LPAR1: variants seen among roughly 807,000 people sequenced by gnomAD.
The protein encoded by LPAR1 is LPA receptor 1.
In LPAR1, 5 loss-of-function variants were observed where a neutral mutation model predicts 23.8. The ratio of observed to expected loss-of-function variants is 0.21; its 90% CI spans 0.11 to 0.44. The LOEUF (loss-of-function observed/expected upper bound fraction) is 0.44, where lower values mean the gene tolerates loss of function less well. LPAR1 is among the 20% of genes least tolerant of loss of function. The pLI is 0.99. For missense variants in LPAR1, 311 were observed against 482.8 expected (o/e 0.64, Z 3.33); for synonymous variants, 160 against 164.7 (o/e 0.97, Z 0.22).
chr9:110,938,947 C>A (rs536866357), intron 5 of LPAR1, among the ~76,000 whole-genome samples: 6 of 152,150 alleles, frequency 3.9e-5, no homozygotes, highest in African/African-American at 1.4e-4. Flanking sequence ...TGCTACCCTG[C>A]CTATGAGATA....
rs147923710 is a variant in LPAR1 at position 110,945,739 on chromosome 9, G to A, written c.46-3571C>T. Reference sequence around the variant, plus strand: ...TTCCAGGAGCTCTAGGGGAGAATCCGTTTCCTTGTCTTTTCCAACTTCTAG... The same window carrying A: ...TTCCAGGAGCTCTAGGGGAGAATCCATTTCCTTGTCTTTTCCAACTTCTAG... On this transcript the variant is annotated intron_variant, in intron 4 of 5. Transcript: ENST00000683809. Among the ~76,000 whole-genome samples the A allele has an allele frequency of 4.9e-3, 752 of 152,232 alleles. 8 individuals are homozygous for A. Among genetic ancestry groups the A allele is most frequent in the Middle Eastern group, 0.014 (4 of 294 alleles).
intron 5 of LPAR1, among the ~76,000 whole-genome samples, chr9:110,907,340 C>T (rs2134161500): frequency 1.3e-5 from 2 of 152,222 alleles, no homozygotes; most frequent in Admixed American, 1.3e-4. Context: ...ATATTCTTAG[C>T]TCTGTAAAAA....
chr9:110,911,732 C>T (rs904045502), intron 5 of LPAR1, among the ~76,000 whole-genome samples: 7 of 152,140 alleles, frequency 4.6e-5, no homozygotes, highest in African/African-American at 1.4e-4. Flanking sequence ...TACTATTGCA[C>T]ATTTAATAGA....
Position 110,892,855 on chromosome 9 carries a change from AGG to A in LPAR1, c.794-17135_794-17134del, listed in dbSNP as rs1564387070. Among the ~76,000 whole-genome samples, 111 of 115,436 alleles carry A rather than the reference AGG, an allele frequency of 9.6e-4. 4 individuals are homozygous for A. The highest frequency in any genetic ancestry group is 6.3e-3 in the East Asian group (22 of 3,480). The allele number at this position is 115,436 out of a possible 152,430, so 75.7% of individuals were successfully genotyped here. On this transcript the variant is annotated intron_variant, in intron 5 of 5. Coordinates refer to ENST00000683809, the MANE Select transcript of LPAR1 (RefSeq NM_001351411.2). ...CAGGCAGGCAGGCAGGCAGGCAGGC[AGG>A]CAGGCAGGCATGCAGGCAGGCAGGC...
chr9:110,951,014 T>G (rs1037191682), intron 4 of LPAR1, among the ~76,000 whole-genome samples: 4 of 152,106 alleles, frequency 2.6e-5, no homozygotes, highest in African/African-American at 9.7e-5. Context: ...GGCATAGAAA[T>G]ACATGGATAG....
chr9:110,929,988 A>T (rs1196164706), intron 5 of LPAR1, among the ~76,000 whole-genome samples: 2 of 152,170 alleles, frequency 1.3e-5, no homozygotes, highest in Non-Finnish European at 2.9e-5. Flanking sequence ...TTCCAGATGA[A>T]ACAGCTGCCT....
intron 5 of LPAR1, among the ~76,000 whole-genome samples, chr9:110,894,072 A>AC (rs2085453701): frequency 6.6e-6 from 1 of 152,256 alleles, no homozygotes; most frequent in African/African-American, 2.4e-5. Flanking sequence ...CCTTTATTAA[A>AC]CATTATTTAC....
intron 5 of LPAR1, among the ~76,000 whole-genome samples, chr9:110,887,838 A>G (rs1016019429): frequency 2.6e-5 from 4 of 152,238 alleles, no homozygotes; most frequent in African/African-American, 7.2e-5. Flanking sequence ...GTCTAAATAA[A>G]CTGCAACAAT....
intron 5 of LPAR1, chr9:110,934,352 A>C (rs761563081): frequency 1.3e-5 from 2 of 152,112 alleles, no homozygotes; most frequent in Non-Finnish European, 2.9e-5. Context: ...TACACTCGCC[A>C]CTCCCTTTAA....
At chr9:110,893,946 T>A (rs1399525254) in intron 5 of LPAR1, among the ~76,000 whole-genome samples, 1 of 152,212 alleles carries the variant, frequency 6.6e-6, no homozygotes, top group Non-Finnish European at 1.5e-5. Context: ...TTGATGTAGA[T>A]AACCAACCCT....
rs537635873 is a variant in LPAR1, at chr9:110,986,584, TAA to T, written c.-181-13028_-181-13027del. Among the ~76,000 whole-genome samples, 603 of 141,238 alleles carry T rather than the reference TAA, an allele frequency of 4.3e-3. 4 individuals are homozygous for T. Among genetic ancestry groups the T allele is most frequent in the African/African-American group, 0.015 (560 of 38,506 alleles). 92.7% of individuals were successfully genotyped at this position (141,238 alleles called of 152,430 possible). ...CAAAAATTTAAAAAGTTAACTATTCTAAAAAAAAAAAGTAATTCCCAAATGGC... is the reference window on the plus strand; with the variant it reads ...CAAAAATTTAAAAAGTTAACTATTCTAAAAAAAAAGTAATTCCCAAATGGC... On this transcript the variant is annotated intron_variant, in intron 2 of 5. Transcript: ENST00000683809.
chr9:110,905,480 G>C (rs763866050), intron 5 of LPAR1, among the ~76,000 whole-genome samples: 8 of 151,792 alleles, frequency 5.3e-5, no homozygotes, highest in Non-Finnish European at 1.0e-4. Context: ...CCCAGCAGCT[G>C]GGATTACAGG....
At chr9:111,020,798 T>C (rs2097546919) in intron 2 of LPAR1, among the ~76,000 whole-genome samples, 1 of 152,086 alleles carries the variant, frequency 6.6e-6, no homozygotes, top group South Asian at 2.1e-4. Context: ...CTGGTTTCCA[T>C]ATAATAATCA....
intron 5 of LPAR1, among the ~76,000 whole-genome samples, chr9:110,884,797 C>T (rs1195956866): frequency 6.6e-6 from 1 of 152,150 alleles, no homozygotes; most frequent in Non-Finnish European, 1.5e-5. Flanking sequence ...GAGTAATTTT[C>T]TTTCCATTGT....
intron 2 of LPAR1, among the ~76,000 whole-genome samples, chr9:110,998,423 G>A (rs999729118): frequency 6.6e-6 from 1 of 152,152 alleles, no homozygotes; most frequent in Non-Finnish European, 1.5e-5. Context: ...TATTGTTTCA[G>A]GAGAGAACTT....
chr9:110,984,262 C>A (rs1205519946), intron 2 of LPAR1, among the ~76,000 whole-genome samples: 4 of 151,934 alleles, frequency 2.6e-5, no homozygotes, highest in African/African-American at 9.7e-5. Flanking sequence ...CCCCTCGTAA[C>A]TATCCTTCTA....
At chr9:110,876,472 C>T (rs1196684806) in intron 5 of LPAR1, among the ~76,000 whole-genome samples, 2 of 152,142 alleles carry the variant, frequency 1.3e-5, no homozygotes, top group Admixed American at 1.3e-4. Flanking sequence ...ATTGAATTTT[C>T]ACAGTAGCCA....
At chr9:110,940,494 T>C (rs143864649) in intron 5 of LPAR1, among the ~76,000 whole-genome samples, 78 of 152,234 alleles carry the variant, frequency 5.1e-4, no homozygotes, top group Middle Eastern at 3.4e-3. Flanking sequence ...TCAATTTCCA[T>C]AGGGAAAGAT....
At chr9:111,015,269 C>T (rs141021366) in intron 2 of LPAR1, among the ~76,000 whole-genome samples, 77 of 152,270 alleles carry the variant, frequency 5.1e-4, no homozygotes, top group African/African-American at 1.8e-3. Flanking sequence ...GTTACTCTCT[C>T]CTACTTCGTC....
Sources: allele counts gnomAD v4.1 joint callset (sites outside exome capture counted in the v4.1 genomes callset), GRCh38; gene constraint gnomAD v4.1.1; transcripts MANE v1.5; gene names NCBI Gene and HGNC (gene_info 2026-07-23, HGNC 2026-07-21).